Variants in HHIP observed in about 807,000 individuals in gnomAD.
HHIP encodes the protein hedgehog interacting protein.
A neutral mutation model predicts 74.0 loss-of-function variants in HHIP; 12 were observed. That is an observed-to-expected ratio of 0.16 (90% CI 0.10 to 0.26). The LOEUF (loss-of-function observed/expected upper bound fraction) is 0.26, where lower values mean the gene tolerates loss of function less well. HHIP is among the 10% of genes least tolerant of loss of function. The pLI is 1.00. For missense variants in HHIP, 788 were observed against 845.0 expected (o/e 0.93, Z 0.84); for synonymous variants, 309 against 311.6 (o/e 0.99, Z 0.09).
Position 144,743,873 on chromosome 4 carries a change from G to C in HHIP, c.*5916G>C, listed in dbSNP as rs1240416961. ...ACTAATTGATAGTTTCCATTCACAT[G>C]AACAAGTTATAATCAGGTTTGGGAT... On this transcript the variant is annotated 3_prime_UTR_variant, in exon 13 of 13. Transcript: ENST00000296575. The C allele has an allele frequency of 6.6e-6, 1 of 151,992 alleles. No homozygotes were observed. Among genetic ancestry groups the C allele is most frequent in the Non-Finnish European group, 1.5e-5 (1 of 67,956 alleles). The allele number at this position is 151,992 out of a possible 1,614,324, so 9.4% of individuals were successfully genotyped here.
chr4:144,689,704 G>A (rs1221278353), intron 4 of HHIP, among the ~76,000 whole-genome samples: 2 of 152,146 alleles, frequency 1.3e-5, no homozygotes. Flanking sequence ...ATACATTTTA[G>A]CAAGATGCTT....
intron 1 of HHIP, among the ~76,000 whole-genome samples, chr4:144,647,839 C>G (rs1728309317): frequency 6.6e-6 from 1 of 152,114 alleles, no homozygotes; most frequent in Non-Finnish European, 1.5e-5. Context: ...AATCACTGCA[C>G]GTGAAATAAA....
intron 4 of HHIP, among the ~76,000 whole-genome samples, chr4:144,698,355 A>G (rs1018999485): frequency 6.6e-6 from 1 of 152,176 alleles, no homozygotes; most frequent in Non-Finnish European, 1.5e-5. Context: ...TTATAACACC[A>G]TATTTTTACA....
intron 4 of HHIP, among the ~76,000 whole-genome samples, chr4:144,674,759 T>A (rs908015219): frequency 2.0e-5 from 3 of 152,194 alleles, no homozygotes; most frequent in Non-Finnish European, 4.4e-5. Flanking sequence ...CATAAATACT[T>A]TAGGGCCAAT....
At position 144,741,849 on chromosome 4, in the gene HHIP, TC is replaced by T. The variant is rs1481953405; in HGVS notation, c.*3893del. 1 of 152,092 alleles carries T rather than the reference TC, an allele frequency of 6.6e-6. No individual in the cohort carries two copies. Among genetic ancestry groups the T allele is most frequent in the Non-Finnish European group, 1.5e-5 (1 of 68,010 alleles). The allele number at this position is 152,092 out of a possible 1,614,324, so 9.4% of individuals were successfully genotyped here. ...TTAGCTTTGAAACATAAAAGAGAAA[TC>T]AAGCCCAAATTTTTAGAGGAAGGCT... is the stretch of plus-strand genomic sequence containing the variant. On this transcript the variant is annotated 3_prime_UTR_variant, in exon 13 of 13. Transcript: ENST00000296575.
chr4:144,677,695 G>A (rs564726427), intron 4 of HHIP, among the ~76,000 whole-genome samples: 3 of 152,262 alleles, frequency 2.0e-5, no homozygotes, highest in Non-Finnish European at 4.4e-5. Flanking sequence ...ACTCGGAGCC[G>A]GAGTCCAGGC....
chr4:144,663,221 G>A (rs1728761238), intron 4 of HHIP, among the ~76,000 whole-genome samples: 1 of 152,104 alleles, frequency 6.6e-6, no homozygotes, highest in Non-Finnish European at 1.5e-5. Flanking sequence ...CTGAACCTGG[G>A]AGGCGGAGGT....
At chr4:144,657,371 T>C (rs1404800549) in intron 2 of HHIP, among the ~76,000 whole-genome samples, 1 of 152,180 alleles carries the variant, frequency 6.6e-6, no homozygotes, top group Non-Finnish European at 1.5e-5. Context: ...AAATTTCTAC[T>C]GAGCTACTCA....
At chr4:144,675,847 G>C (rs1217089353) in intron 4 of HHIP, among the ~76,000 whole-genome samples, 4 of 152,040 alleles carry the variant, frequency 2.6e-5, no homozygotes, top group African/African-American at 9.7e-5. Flanking sequence ...TAATCTCTTT[G>C]GTTTATATTT....
intron 4 of HHIP, among the ~76,000 whole-genome samples, chr4:144,693,944 T>C (rs1238512612): frequency 3.3e-5 from 5 of 151,962 alleles, no homozygotes; most frequent in Non-Finnish European, 7.4e-5. Flanking sequence ...AATGTTTATT[T>C]GCTAAATGTT....
intron 2 of HHIP, among the ~76,000 whole-genome samples, chr4:144,656,820 C>A (rs1329990136): frequency 6.6e-6 from 1 of 151,802 alleles, no homozygotes; most frequent in Non-Finnish European, 1.5e-5. Flanking sequence ...CTTTTTACCT[C>A]TAAGAGACTT....
intron 4 of HHIP, among the ~76,000 whole-genome samples, chr4:144,679,991 A>G (rs572438102): frequency 1.1e-4 from 16 of 152,284 alleles, no homozygotes; most frequent in African/African-American, 3.8e-4. Context: ...AGCAATTTGG[A>G]AAGATTTTAA....
intron 4 of HHIP, among the ~76,000 whole-genome samples, chr4:144,694,151 A>C (rs1240996237): frequency 3.9e-5 from 6 of 151,974 alleles, no homozygotes; most frequent in Non-Finnish European, 1.5e-5. Context: ...TTGCAAGTTT[A>C]ATTGACATAT....
intron 4 of HHIP, among the ~76,000 whole-genome samples, chr4:144,662,689 G>A (rs1553938496): frequency 6.6e-6 from 1 of 152,158 alleles, no homozygotes; most frequent in Non-Finnish European, 1.5e-5. Flanking sequence ...AACTTTCATT[G>A]TGTGTGTGGC....
chr4:144,656,685 T>C (rs1728566488), intron 2 of HHIP, among the ~76,000 whole-genome samples: 1 of 152,208 alleles, frequency 6.6e-6, no homozygotes, highest in Non-Finnish European at 1.5e-5. Flanking sequence ...GACCATAGTA[T>C]GACAGTCTTC....
intron 4 of HHIP, among the ~76,000 whole-genome samples, chr4:144,666,698 GA>G (rs569872327): frequency 1.7e-3 from 259 of 152,304 alleles, no homozygotes; most frequent in African/African-American, 5.8e-3. Context: ...AGCATGTTAA[GA>G]AAACAAGACT....
At chr4:144,690,932 G>C (rs1729643654) in intron 4 of HHIP, among the ~76,000 whole-genome samples, 3 of 152,062 alleles carry the variant, frequency 2.0e-5, no homozygotes, top group Non-Finnish European at 4.4e-5. Flanking sequence ...GCAATTCAAA[G>C]AAAACAGCTT....
rs775923856 is a variant in HHIP, at chr4:144,652,664, A to G, written c.339A>G (p.Ala113=). 27 of 1,610,874 alleles carry G rather than the reference A, an allele frequency of 1.7e-5. No individual in the cohort carries two copies. Among genetic ancestry groups the G allele is most frequent in the Non-Finnish European group, 1.6e-5 (19 of 1,177,528 alleles). Residue 113 remains alanine, a synonymous_variant, in exon 2 of 13, where the codon GCA becomes GCG. Coordinates refer to ENST00000296575, the MANE Select transcript of HHIP (RefSeq NM_022475.3). ...CGKLLEEIKC[A]LCSPHSQSLF... is the part of the protein sequence containing the mutation. ...AGTTACTGGAGGAAATCAAATGTGC[A>G]CTTTGCTCTCCACATTCTCAAAGCC...
At chr4:144,723,075 C>T (rs1246728866) in intron 11 of HHIP, among the ~76,000 whole-genome samples, 3 of 151,892 alleles carry the variant, frequency 2.0e-5, no homozygotes, top group Non-Finnish European at 4.4e-5. Context: ...AACCAAATGA[C>T]TTTTTTTGAA....
Sources: gnomAD v4.1 joint callset for allele counts (sites outside exome capture counted in the v4.1 genomes callset) on GRCh38, gnomAD v4.1.1 for gene constraint, MANE v1.5 for transcripts, NCBI Gene and HGNC (gene_info 2026-07-23, HGNC 2026-07-21) for gene names.